TLE4: variants seen among roughly 807,000 people sequenced by gnomAD.
TLE4 encodes the protein TLE family member 4, transcriptional corepressor.
TLE4 carries 8 observed loss-of-function variants against 92.8 expected under a neutral mutation model. The observed-to-expected ratio is 0.09, with a 90% CI of 0.05 to 0.16. The LOEUF (loss-of-function observed/expected upper bound fraction) is 0.16. Among genes scored for constraint, TLE4 ranks in the 10% least tolerant of loss-of-function variants. The pLI is 1.00. For missense variants in TLE4, 675 were observed against 997.6 expected (o/e 0.68, Z 4.36); for synonymous variants, 371 against 374.1 (o/e 0.99, Z 0.10).
At chr9:79,667,563 A>G (rs2061604017) in intron 8 of TLE4, among the ~76,000 whole-genome samples, 1 of 152,202 alleles carries the variant, frequency 6.6e-6, no homozygotes, top group African/African-American at 2.4e-5. Context: ...AGCTGCTTTG[A>G]CACTGTGTTT....
chr9:79,693,613 C>T lies in TLE4; in HGVS notation c.610-11170C>T, dbSNP rs772296156. The T allele has an allele frequency of 4.7e-5, 24 of 514,430 alleles. No individual in the cohort carries two copies. The Admixed American group carries it at 4.7e-4, about 10-fold the overall frequency. The allele number at this position is 514,430 out of a possible 1,614,324, so 31.9% of individuals were successfully genotyped here. On this transcript the variant is annotated intron_variant, in intron 8 of 19. Transcript: ENST00000376552. ...GTGGGACATGCATGCACACATGCCA[C>T]ACGTGTGCATGCATGGAAAGAGAGA...
chr9:79,585,793 G>A (rs1054432759), intron 4 of TLE4, among the ~76,000 whole-genome samples: 3 of 151,702 alleles, frequency 2.0e-5, no homozygotes, highest in Non-Finnish European at 1.5e-5. Flanking sequence ...TTTTTATAAG[G>A]TACTTTCTCA....
chr9:79,573,877 G>T, intron 2 of TLE4, 91 bp downstream of exon 2: 1 of 898,012 alleles, frequency 1.1e-6, no homozygotes, highest in Non-Finnish European at 1.6e-6. Flanking sequence ...CTCCTTTTTT[G>T]TGGGGGCGTC....
At chr9:79,668,191 G>A (rs964178694) in intron 8 of TLE4, among the ~76,000 whole-genome samples, 2 of 152,226 alleles carry the variant, frequency 1.3e-5, no homozygotes, top group Admixed American at 6.5e-5. Context: ...CAGCCCAGAC[G>A]AGCTGTGAGC....
At chr9:79,660,254 G>A (rs1264066758) in intron 8 of TLE4, among the ~76,000 whole-genome samples, 2 of 152,174 alleles carry the variant, frequency 1.3e-5, no homozygotes, top group South Asian at 2.1e-4. Flanking sequence ...GTAACTCAAG[G>A]CATTCTTCCA....
intron 4 of TLE4, among the ~76,000 whole-genome samples, chr9:79,593,753 C>G (rs138119223): frequency 7.3e-4 from 111 of 152,088 alleles, no homozygotes; most frequent in African/African-American, 2.6e-3. Context: ...ATCATGTCAC[C>G]CAAATGAAAA....
At chr9:79,650,260 A>G (rs1400799243) in intron 6 of TLE4, among the ~76,000 whole-genome samples, 2 of 152,122 alleles carry the variant, frequency 1.3e-5, no homozygotes, top group Non-Finnish European at 2.9e-5. Flanking sequence ...TTTTAAAACT[A>G]TCAAGATAAT....
chr9:79,720,575 C>G (rs1014178953), intron 16 of TLE4, among the ~76,000 whole-genome samples: 1 of 152,064 alleles, frequency 6.6e-6, no homozygotes, highest in Middle Eastern at 3.2e-3. Flanking sequence ...TATACTAAAG[C>G]ATCGCCAATT....
intron 4 of TLE4, among the ~76,000 whole-genome samples, chr9:79,600,335 G>A (rs2045290842): frequency 6.6e-6 from 1 of 152,090 alleles, no homozygotes; most frequent in African/African-American, 2.4e-5. Context: ...TCTGATTATA[G>A]AGAGTTTTCA....
intron 8 of TLE4, among the ~76,000 whole-genome samples, chr9:79,700,343 A>G (rs1424866995): frequency 6.6e-6 from 1 of 152,194 alleles, no homozygotes; most frequent in Non-Finnish European, 1.5e-5. Flanking sequence ...TAACAACAGC[A>G]TCTTCTTTTG....
At chr9:79,695,151 C>T (rs1277559248) in intron 8 of TLE4, among the ~76,000 whole-genome samples, 2 of 152,136 alleles carry the variant, frequency 1.3e-5, no homozygotes, top group African/African-American at 4.8e-5. Flanking sequence ...ATTGCATGCC[C>T]ACCCAGTGGC....
intron 8 of TLE4, among the ~76,000 whole-genome samples, chr9:79,704,381 G>A (rs2070895035): frequency 6.6e-6 from 1 of 152,114 alleles, no homozygotes; most frequent in African/African-American, 2.4e-5. Flanking sequence ...CCAAAGTACT[G>A]GGATTACAGG....
intron 6 of TLE4, among the ~76,000 whole-genome samples, chr9:79,636,957 C>T (rs1015425457): frequency 2.0e-5 from 3 of 151,974 alleles, no homozygotes; most frequent in Non-Finnish European, 4.4e-5. Context: ...GGATATTCTC[C>T]GTACAATTTT....
intron 5 of TLE4, among the ~76,000 whole-genome samples, chr9:79,623,551 A>G (rs1287076582): frequency 2.0e-5 from 3 of 152,126 alleles, no homozygotes; most frequent in African/African-American, 7.2e-5. Flanking sequence ...CCCTGCAACC[A>G]TGTTTGTATT....
intron 4 of TLE4, among the ~76,000 whole-genome samples, chr9:79,596,230 G>A (rs935694882): frequency 6.6e-6 from 1 of 152,014 alleles, no homozygotes; most frequent in East Asian, 1.9e-4. Flanking sequence ...TCAGGACCAT[G>A]TTATTGTCTG....
chr9:79,634,278 T>C (rs1209644212), intron 6 of TLE4, among the ~76,000 whole-genome samples: 1 of 152,218 alleles, frequency 6.6e-6, no homozygotes, highest in African/African-American at 2.4e-5. Flanking sequence ...TGGTATTACA[T>C]TGTACTTACA....
chr9:79,590,445 G>T (rs184688196), intron 4 of TLE4, among the ~76,000 whole-genome samples: 3 of 152,228 alleles, frequency 2.0e-5, no homozygotes, highest in Non-Finnish European at 4.4e-5. Flanking sequence ...GAGGCTGCTT[G>T]TAAGTTTTCT....
intron 5 of TLE4, among the ~76,000 whole-genome samples, chr9:79,620,799 A>G (rs976450562): frequency 2.6e-5 from 4 of 152,216 alleles, no homozygotes; most frequent in Non-Finnish European, 4.4e-5. Flanking sequence ...CTGCACAAGC[A>G]TGGCACCAAC....
intron 8 of TLE4, among the ~76,000 whole-genome samples, chr9:79,664,222 C>T (rs751960942): frequency 5.3e-5 from 8 of 152,196 alleles, no homozygotes; most frequent in Non-Finnish European, 8.8e-5. Context: ...GGGATTTAGC[C>T]TGACAGCACT....
Sources: gnomAD v4.1 joint callset for allele counts (sites outside exome capture counted in the v4.1 genomes callset) on GRCh38, gnomAD v4.1.1 for gene constraint, MANE v1.5 for transcripts, NCBI Gene and HGNC (gene_info 2026-07-23, HGNC 2026-07-21) for gene names.